The following PCDHGA3 variants were observed in gnomAD, a reference collection of about 807,000 sequenced individuals.
PCDHGA3 encodes protocadherin gamma-A3.
PCDHGA3 carries 40 observed loss-of-function variants against 58.5 expected under a neutral mutation model. The observed-to-expected ratio is 0.68, with a 90% CI of 0.53 to 0.89. The LOEUF (loss-of-function observed/expected upper bound fraction) is 0.89, where lower values mean the gene tolerates loss of function less well. PCDHGA3 is among the 40% of genes least tolerant of loss of function. The pLI, the probability that PCDHGA3 is intolerant of heterozygous loss-of-function variation, is 0.00. For missense variants in PCDHGA3, 1,223 were observed against 1,195.9 expected (o/e 1.02, Z -0.33); for synonymous variants, 530 against 525.7 (o/e 1.01, Z -0.11).
rs2154586748 is a variant in PCDHGA3 at position 141,491,733 on chromosome 5, T to A, written c.2425-3074T>A. The A allele has an allele frequency of 6.2e-7, 1 of 1,602,698 alleles. No individual in the cohort carries two copies. Among genetic ancestry groups the A allele is most frequent in the Non-Finnish European group, 8.5e-7 (1 of 1,175,258 alleles). On this transcript the variant is annotated intron_variant, in intron 1 of 3. Transcript: ENST00000253812. The surrounding 1 kb of genome is among the most constrained non-coding windows in gnomAD (Gnocchi z 6.9). ...GCTCGGCGCCGCCCCGGGCGACCCC[T>A]GGGGGCGGCACTGGAGAAGCCGCCC...
At chr5:141,422,898 C>CTCTG (rs747261683) in intron 1 of PCDHGA3, 4 of 1,614,250 alleles carry the variant, frequency 2.5e-6, no homozygotes, top group Non-Finnish European at 3.4e-6. Flanking sequence ...TGGACCAGAA[C>CTCTG]GACAATGCGC....
chr5:141,489,837 G>A lies in PCDHGA3; in HGVS notation c.2425-4970G>A. 6.2e-7 allele frequency: 1 copy of A among 1,614,204 alleles called. No individual in the cohort carries two copies. ...TCCCAGAGCTGGTGCTAGAGCAGCAGCTGGATCGTGAAGCCCAGGCAAGAC... is the reference window on the plus strand; with the variant it reads ...TCCCAGAGCTGGTGCTAGAGCAGCAACTGGATCGTGAAGCCCAGGCAAGAC... On this transcript the variant is annotated intron_variant, in intron 1 of 3. Transcript: ENST00000253812. This position sits in a 1 kb window ranked among gnomAD's most constrained non-coding sequence, Gnocchi z 4.5.
Position 141,394,244 on chromosome 5 carries a change from C to G in PCDHGA3, c.2424+47787C>G, listed in dbSNP as rs371631729. Reference sequence around the variant, plus strand: ...CCTCCATCTTTTCCTTGACTGCACACGACCCCGACAGCCAGGAGAATGCCC... The same window carrying G: ...CCTCCATCTTTTCCTTGACTGCACAGGACCCCGACAGCCAGGAGAATGCCC... On this transcript the variant is annotated intron_variant, in intron 1 of 3. Coordinates refer to ENST00000253812, the MANE Select transcript of PCDHGA3 (RefSeq NM_018916.4). The G allele has an allele frequency of 1.2e-5, 19 of 1,613,820 alleles. No homozygotes were observed. Among genetic ancestry groups the G allele is most frequent in the Middle Eastern group, 1.6e-4 (1 of 6,084 alleles).
chr5:141,476,697 C>T lies in PCDHGA3; in HGVS notation c.2425-18110C>T, dbSNP rs758302668. The T allele has an allele frequency of 2.5e-6, 4 of 1,614,110 alleles. No individual in the cohort carries two copies. The highest frequency in any genetic ancestry group is 2.2e-5 in the South Asian group (2 of 91,088). The stretch of plus-strand genomic sequence containing the variant: ...ACGCGGGAGGACAGCACCAAGTACG[C>T]GGAGCTGGTGTTGGAGCGCGCCCTG... On this transcript the variant is annotated intron_variant, in intron 1 of 3. Coordinates refer to ENST00000253812, the MANE Select transcript of PCDHGA3 (RefSeq NM_018916.4). The surrounding 1 kb of genome is among the most constrained non-coding windows in gnomAD (Gnocchi z 7.6).
intron 1 of PCDHGA3, chr5:141,383,286 C>T (rs373163257): frequency 4.3e-6 from 7 of 1,613,770 alleles, no homozygotes; most frequent in African/African-American, 1.3e-5. Flanking sequence ...TTAATGACAA[C>T]GTTCCAAGAT....
Position 141,487,082 on chromosome 5 carries a change from G to A in PCDHGA3, c.2425-7725G>A, listed in dbSNP as rs2099639361. On this transcript the variant is annotated intron_variant, in intron 1 of 3. Transcript: ENST00000253812. The surrounding 1 kb of genome is among the most constrained non-coding windows in gnomAD (Gnocchi z 5.0). Reference sequence around the variant, plus strand: ...GCGGACGGCTGTTCCTATCCCAGCTGACCTCCCACCACAGAAGCTGGTCAT... The same window carrying A: ...GCGGACGGCTGTTCCTATCCCAGCTAACCTCCCACCACAGAAGCTGGTCAT... The A allele has an allele frequency of 8.1e-6, 13 of 1,614,056 alleles. No individual in the cohort carries two copies. The highest frequency in any genetic ancestry group is 1.1e-5 in the Non-Finnish European group (13 of 1,179,938).
chr5:141,393,520 A>G, intron 1 of PCDHGA3: 2 of 1,614,038 alleles, frequency 1.2e-6, no homozygotes, highest in Non-Finnish European at 1.7e-6. Context: ...TTGGATACAA[A>G]TGACAATGCC....
chr5:141,363,901 T>C (rs1190403839), intron 1 of PCDHGA3, among the ~76,000 whole-genome samples: 2 of 152,240 alleles, frequency 1.3e-5, no homozygotes, highest in African/African-American at 4.8e-5. Context: ...CGATGACGCA[T>C]TAAATAAAAT....
chr5:141,431,974 CA>C lies in PCDHGA3; in HGVS notation c.2425-62832del, dbSNP rs1419355804. The C allele has an allele frequency of 1.2e-6, 2 of 1,614,174 alleles. No individual in the cohort carries two copies. The highest frequency in any genetic ancestry group is 1.3e-5 in the African/African-American group (1 of 75,058). On this transcript the variant is annotated intron_variant, in intron 1 of 3. Transcript: ENST00000253812. This position sits in a 1 kb window ranked among gnomAD's most constrained non-coding sequence, Gnocchi z 4.8. ...CTTACGGAAATTACTATAGTTTAGT[CA>C]CAGACATAGTCTTGGATAGGGAACA... is the stretch of plus-strand genomic sequence containing the variant.
In PCDHGA3 at chr5:141,490,540, C is replaced by T; in HGVS notation, c.2425-4267C>T. The T allele has an allele frequency of 6.2e-7, 1 of 1,614,148 alleles. No homozygotes were observed. Among genetic ancestry groups the T allele is most frequent in the Non-Finnish European group, 8.5e-7 (1 of 1,180,024 alleles). ...GGCCAGCGATGCTGGTTCACCTTCC[C>T]TACACAAACATCTCACCATCAGGCT... On this transcript the variant is annotated intron_variant, in intron 1 of 3. Coordinates refer to ENST00000253812, the MANE Select transcript of PCDHGA3 (RefSeq NM_018916.4). This position sits in a 1 kb window ranked among gnomAD's most constrained non-coding sequence, Gnocchi z 5.4.
Position 141,346,173 on chromosome 5 carries a change from C to T in PCDHGA3, c.2140C>T (p.Leu714Phe). Reference protein sequence around the residue: ...FLAFVIVLLALRLRRWHKSRL... With the variant: ...FLAFVIVLLAFRLRRWHKSRL... ...GGCCTTCGTCATCGTGCTGCTGGCG[C>T]TCAGGCTGCGGCGCTGGCACAAGTC... The change falls in exon 1 of 4, where the codon CTC (leucine) becomes TTC (phenylalanine). Residue 714 changes from leucine (L) to phenylalanine (F), a missense_variant. Leu to Phe is a conservative substitution (Grantham distance 22, BLOSUM62 0). Transcript: ENST00000253812. 1.2e-6 allele frequency: 2 copies of T among 1,614,048 alleles called. No homozygotes were observed. The highest frequency in any genetic ancestry group is 1.7e-6 in the Non-Finnish European group (2 of 1,179,942).
chr5:141,356,985 CAG>C, intron 1 of PCDHGA3: 1 of 1,614,208 alleles, frequency 6.2e-7, no homozygotes, highest in Non-Finnish European at 8.5e-7. Context: ...TGGCAGTGGA[CAG>C]AGACTCAGGT....
At chr5:141,420,228 G>C (rs750839002) in intron 1 of PCDHGA3, 3 of 1,603,310 alleles carry the variant, frequency 1.9e-6, no homozygotes, top group Non-Finnish European at 2.6e-6. Flanking sequence ...CTACTGGCTA[G>C]CATTTTAACT....
At chr5:141,422,880 G>T in intron 1 of PCDHGA3, 1 of 1,614,258 alleles carries the variant, frequency 6.2e-7, no homozygotes, top group East Asian at 2.2e-5. Flanking sequence ...CGCTGAGCCT[G>T]TTCGTGCTGG....
At position 141,399,193 on chromosome 5, in the gene PCDHGA3, G is replaced by A. The variant is rs138699584; in HGVS notation, c.2424+52736G>A. ...TCTACTTGAAATGATTCTGGAAAAC[G>A]CGGTGCCTGGAACACTAATTGCTTT... is the stretch of plus-strand genomic sequence containing the variant. On this transcript the variant is annotated intron_variant, in intron 1 of 3. Transcript: ENST00000253812. The A allele has an allele frequency of 4.9e-3, 7,970 of 1,613,820 alleles. 45 individuals are homozygous for A. Among genetic ancestry groups the A allele is most frequent in the Admixed American group, 9.4e-3 (567 of 60,008 alleles).
intron 1 of PCDHGA3, among the ~76,000 whole-genome samples, chr5:141,470,256 A>G (rs1043528709): frequency 6.6e-6 from 1 of 152,228 alleles, no homozygotes; most frequent in African/African-American, 2.4e-5. Flanking sequence ...ACCTGTCTAA[A>G]TGGAGATACA....
At chr5:141,366,314 G>A (rs759896356) in intron 1 of PCDHGA3, 9 of 1,613,624 alleles carry the variant, frequency 5.6e-6, no homozygotes, top group South Asian at 5.5e-5. Flanking sequence ...CACGGTCACC[G>A]TTGCCGTGGC....
chr5:141,383,038 G>A (rs1778741644), intron 1 of PCDHGA3: 1 of 1,613,858 alleles, frequency 6.2e-7, no homozygotes. Context: ...CTTTGTGGGA[G>A]ACATCGCCAA....
chr5:141,471,112 G>A (rs1442344944), intron 1 of PCDHGA3, among the ~76,000 whole-genome samples: 3 of 147,914 alleles, frequency 2.0e-5, no homozygotes, highest in Non-Finnish European at 4.4e-5. Flanking sequence ...GCAGTGGTGC[G>A]ATCTTACCTT....
Sources: allele counts gnomAD v4.1 joint callset (sites outside exome capture counted in the v4.1 genomes callset), GRCh38; gene constraint gnomAD v4.1.1; non-coding constraint Gnocchi (gnomAD v3.1); transcripts MANE v1.5; gene names NCBI Gene and HGNC (gene_info 2026-07-23, HGNC 2026-07-21).